Variants in GDPD1 observed in about 807,000 individuals in gnomAD.
GDPD1 encodes the protein lysophospholipase D GDPD1.
In GDPD1, 28 loss-of-function variants were observed where a neutral mutation model predicts 45.1. That is an observed-to-expected ratio of 0.62 (90% confidence interval 0.46 to 0.85). GDPD1 has a LOEUF of 0.85. GDPD1 is among the 40% of genes least tolerant of loss of function. The pLI, the probability that GDPD1 is intolerant of heterozygous loss-of-function variation, is 0.00. For missense variants in GDPD1, 256 were observed against 364.8 expected (o/e 0.70, Z 2.43); for synonymous variants, 139 against 131.4 (o/e 1.06, Z -0.40).
Position 59,261,190 on chromosome 17 carries a change from T to A in GDPD1, c.576+3350T>A, listed in dbSNP as rs373987168. On this transcript the variant is annotated intron_variant, in intron 6 of 9. Coordinates refer to ENST00000284116, the MANE Select transcript of GDPD1 (RefSeq NM_182569.4). ...CATGTTGGCCAGGCTGGTCTCGAACTCCTGACCTCAAGTGATCTGCCTGCC... is the reference window on the plus strand; with the variant it reads ...CATGTTGGCCAGGCTGGTCTCGAACACCTGACCTCAAGTGATCTGCCTGCC... Among the ~76,000 whole-genome samples the A allele has an allele frequency of 1.5e-3, 232 of 152,270 alleles. 1 individual carries two copies. The South Asian group carries it at 0.016, about 10-fold the overall frequency.
At chr17:59,223,898 G>A (rs987061116) in intron 1 of GDPD1, among the ~76,000 whole-genome samples, 1 of 152,144 alleles carries the variant, frequency 6.6e-6, no homozygotes, top group African/African-American at 2.4e-5. Context: ...GCGACAGTGC[G>A]AGACTCCGTC....
intron 1 of GDPD1, among the ~76,000 whole-genome samples, chr17:59,224,363 C>T (rs1184738385): frequency 6.6e-6 from 1 of 152,154 alleles, no homozygotes; most frequent in Non-Finnish European, 1.5e-5. Context: ...TGGCTCATGC[C>T]TATAATCCCA....
At chr17:59,248,930 C>A (rs2047232887) in intron 4 of GDPD1, 145 bp downstream of exon 4, 1 of 566,300 alleles carries the variant, frequency 1.8e-6, no homozygotes. Context: ...AATTATCTGA[C>A]GTGAAATTAT....
chr17:59,245,572 C>T (rs1477451073), intron 3 of GDPD1, 23 bp downstream of exon 3: 1 of 1,572,818 alleles, frequency 6.4e-7, no homozygotes, highest in African/African-American at 1.4e-5. Context: ...GCATGATAAA[C>T]TAATATCTAA....
chr17:59,235,286 A>G (rs549394204), intron 2 of GDPD1, among the ~76,000 whole-genome samples: 8 of 152,300 alleles, frequency 5.3e-5, no homozygotes, highest in African/African-American at 1.7e-4. Context: ...CAATTAATGT[A>G]TATAATTGGG....
At chr17:59,264,401 C>A (rs572548083) in intron 6 of GDPD1, among the ~76,000 whole-genome samples, 15 of 152,256 alleles carry the variant, frequency 9.9e-5, no homozygotes, top group African/African-American at 3.1e-4. Context: ...TCAAGCAATT[C>A]TCCTGCCTCA....
At position 59,249,383 on chromosome 17, in the gene GDPD1, G is replaced by A. The variant is rs574722953; in HGVS notation, c.367+598G>A. 5.3e-5 allele frequency among the ~76,000 whole-genome samples: 8 copies of A among 151,734 alleles called. No homozygotes were observed. The East Asian group carries it at 5.8e-4, about 11-fold the overall frequency. Reference sequence around the variant, plus strand: ...GCACTCCAGCCTGGGCAACAAGAGCGAAACTCTGTCTCAAAAAAATATATA... The same window carrying A: ...GCACTCCAGCCTGGGCAACAAGAGCAAAACTCTGTCTCAAAAAAATATATA... On this transcript the variant is annotated intron_variant, in intron 4 of 9. Coordinates refer to ENST00000284116, the MANE Select transcript of GDPD1 (RefSeq NM_182569.4).
chr17:59,254,732 T>C (rs2047283476), intron 4 of GDPD1, among the ~76,000 whole-genome samples: 1 of 152,214 alleles, frequency 6.6e-6, no homozygotes, highest in Admixed American at 6.6e-5. Context: ...CAGACATGAC[T>C]GATTCCAGTT....
chr17:59,220,667 T>A lies in GDPD1; in HGVS notation c.58T>A (p.Ser20Thr), dbSNP rs754935799. Residue 20 changes from serine to threonine, a missense_variant, in exon 1 of 10, where the codon TCA becomes ACA. Ser to Thr is a moderately conservative substitution (Grantham distance 58). Coordinates refer to ENST00000284116, the MANE Select transcript of GDPD1 (RefSeq NM_182569.4). ...LSTLGGYLVT[S>T]FLLLKYPTLL... ...TACGCTAGGAGGATACTTGGTGACCTCATTCTTGTTGCTTAAATACCCGAC... is the reference window on the plus strand; with the variant it reads ...TACGCTAGGAGGATACTTGGTGACCACATTCTTGTTGCTTAAATACCCGAC... 3.7e-6 allele frequency: 6 copies of A among 1,614,148 alleles called. No individual in the cohort carries two copies. Among genetic ancestry groups the A allele is most frequent in the Non-Finnish European group, 5.1e-6 (6 of 1,179,990 alleles).
intron 6 of GDPD1, among the ~76,000 whole-genome samples, chr17:59,259,283 AGAGGCCG>A (rs1450784586): frequency 2.0e-5 from 3 of 151,500 alleles, no homozygotes; most frequent in African/African-American, 7.3e-5. Context: ...TACAAAAAAT[AGAGGCCG>A]GGCGCGGTGG....
intron 2 of GDPD1, among the ~76,000 whole-genome samples, chr17:59,241,471 C>T (rs1431313889): frequency 6.6e-6 from 1 of 152,164 alleles, no homozygotes; most frequent in Non-Finnish European, 1.5e-5. Context: ...GCATGCGACA[C>T]TATGCCTGGC....
chr17:59,225,774 T>G (rs2047042714), intron 1 of GDPD1, among the ~76,000 whole-genome samples: 1 of 152,150 alleles, frequency 6.6e-6, no homozygotes, highest in Non-Finnish European at 1.5e-5. Context: ...CAGGCTGGAG[T>G]GCAGTGGTGG....
intron 2 of GDPD1, among the ~76,000 whole-genome samples, chr17:59,244,466 G>A (rs1000345733): frequency 1.3e-5 from 2 of 152,108 alleles, no homozygotes; most frequent in African/African-American, 4.8e-5. Context: ...AAAGTGCTGG[G>A]ATTAGACGCC....
intron 2 of GDPD1, among the ~76,000 whole-genome samples, chr17:59,239,822 C>T (rs1421846358): frequency 6.6e-6 from 1 of 150,878 alleles, no homozygotes; most frequent in Non-Finnish European, 1.5e-5. Flanking sequence ...TAACCTCCCC[C>T]TCTCCAGCTC....
At chr17:59,238,634 C>T (rs555073172) in intron 2 of GDPD1, among the ~76,000 whole-genome samples, 94 of 152,224 alleles carry the variant, frequency 6.2e-4, no homozygotes, top group African/African-American at 2.1e-3. Flanking sequence ...AGGATGGCCC[C>T]GATCTCCTGA....
intron 1 of GDPD1, among the ~76,000 whole-genome samples, chr17:59,232,623 A>G (rs2047100205): frequency 6.6e-6 from 1 of 152,330 alleles, no homozygotes; most frequent in East Asian, 1.9e-4. Flanking sequence ...GATGATGTTA[A>G]CATGGCATAA....
At chr17:59,224,576 G>A (rs572149001) in intron 1 of GDPD1, among the ~76,000 whole-genome samples, 280 of 149,272 alleles carry the variant, frequency 1.9e-3, no homozygotes, top group African/African-American at 6.6e-3. Flanking sequence ...AGTGAGCCGA[G>A]ATCGCGCCAC....
Position 59,220,601 on chromosome 17 carries a change from G to A in GDPD1, c.-9G>A. On this transcript the variant is annotated 5_prime_UTR_variant, in exon 1 of 10. The change creates a new upstream start codon in the 5' untranslated region. Transcript: ENST00000284116. ...CCGGAGGTGGGAGACTTCCCACACGGTGACTGAGATGTCGTCCACTGCGGC... is the reference window on the plus strand; with the variant it reads ...CCGGAGGTGGGAGACTTCCCACACGATGACTGAGATGTCGTCCACTGCGGC... The A allele has an allele frequency of 6.2e-7, 1 of 1,612,820 alleles. No homozygotes were observed. Among genetic ancestry groups the A allele is most frequent in the Non-Finnish European group, 8.5e-7 (1 of 1,179,258 alleles).
At chr17:59,261,088 C>T (rs1033451689) in intron 6 of GDPD1, among the ~76,000 whole-genome samples, 1 of 152,156 alleles carries the variant, frequency 6.6e-6, no homozygotes, top group African/African-American at 2.4e-5. Flanking sequence ...GCCTCAGACT[C>T]CCGACTAGCT....
Sources: gnomAD v4.1 joint callset for allele counts (sites outside exome capture counted in the v4.1 genomes callset) on GRCh38, gnomAD v4.1.1 for gene constraint, MANE v1.5 for transcripts, NCBI Gene and HGNC (gene_info 2026-07-23, HGNC 2026-07-21) for gene names.